SAMD5: variants seen among roughly 807,000 people sequenced by gnomAD.
SAMD5 encodes sterile alpha motif domain containing 5, also known as sterile alpha motif domain-containing protein 5.
In SAMD5, 13 loss-of-function variants were observed where a neutral mutation model predicts 11.3. That is an observed-to-expected ratio of 1.15 (90% CI 0.75 to 1.83). The LOEUF (loss-of-function observed/expected upper bound fraction) is 1.83. Among genes scored for constraint, SAMD5 ranks in the 40% most tolerant of loss-of-function variants. The probability of loss-of-function intolerance (pLI) is 0.00; values close to 1 mark genes in which losing one functional copy is unlikely to be tolerated. For synonymous variants in SAMD5, 129 were observed against 111.3 expected (o/e 1.16, Z -1.00); for missense variants, 255 against 239.1 (o/e 1.07, Z -0.44).
In SAMD5 at chr6:147,730,012, G is replaced by T. The variant is rs1466868310; in HGVS notation, c.163-7305G>T. Reference sequence around the variant, plus strand: ...AGGCAGAAGAATTGCTTGAACCCGGGAGGTGGATGTTGCAGTGAGCCAAGA... The same window carrying T: ...AGGCAGAAGAATTGCTTGAACCCGGTAGGTGGATGTTGCAGTGAGCCAAGA... On this transcript the variant is annotated intron_variant, in intron 1 of 1. Transcript: ENST00000566741. The T allele has an allele frequency of 7.3e-6, 3 of 412,928 alleles. No homozygotes were observed. In the Admixed American group the frequency reaches 8.9e-5, roughly 12 times the overall value. The allele number at this position is 412,928 out of a possible 1,614,324, so 25.6% of individuals were successfully genotyped here. A position where few individuals can be genotyped will look rare whatever the true frequency, so the allele number is the denominator to read the frequency against.
chr6:147,835,244 A>C, the SAMD5 span, among the ~76,000 whole-genome samples: 4 of 150,930 alleles, frequency 2.7e-5, no homozygotes, highest in South Asian at 4.2e-4. Flanking sequence ...AAAAAAAAAA[A>C]AACAAAAAAA....
chr6:147,740,100 G>A (rs1791859164), downstream of SAMD5, among the ~76,000 whole-genome samples: 1 of 152,106 alleles, frequency 6.6e-6, no homozygotes, highest in African/African-American at 2.4e-5. Flanking sequence ...TTGCAGGCAT[G>A]AGCCACCACA....
At chr6:147,585,287 A>T (rs980572179) in intron 1 of SAMD5, among the ~76,000 whole-genome samples, 2 of 152,158 alleles carry the variant, frequency 1.3e-5, no homozygotes, top group African/African-American at 4.8e-5. Flanking sequence ...ATAACTCCAA[A>T]TGCCACTGTA....
chr6:147,618,617 G>A (rs752168638), intron 1 of SAMD5, among the ~76,000 whole-genome samples: 7 of 152,196 alleles, frequency 4.6e-5, no homozygotes, highest in African/African-American at 1.4e-4. Context: ...GTGTTGTGAG[G>A]AGACGGAGAG....
intron 1 of SAMD5, among the ~76,000 whole-genome samples, chr6:147,664,978 T>C (rs1045231927): frequency 2.6e-5 from 4 of 152,212 alleles, no homozygotes; most frequent in African/African-American, 9.6e-5. Context: ...GCAATTTCTT[T>C]AGTGTCTCCC....
chr6:147,877,348 A>T, the SAMD5 span, among the ~76,000 whole-genome samples: 1 of 152,202 alleles, frequency 6.6e-6, no homozygotes, highest in Non-Finnish European at 1.5e-5. Flanking sequence ...TAATCCTTGT[A>T]TATTTTTCCA....
At chr6:147,907,657 C>G in the SAMD5 span, among the ~76,000 whole-genome samples, 1 of 152,152 alleles carries the variant, frequency 6.6e-6, no homozygotes, top group Admixed American at 6.5e-5. Context: ...CAGGACCCCA[C>G]AGGGGTGGGA....
chr6:147,755,076 T>A, the SAMD5 span, among the ~76,000 whole-genome samples: 5 of 152,056 alleles, frequency 3.3e-5, no homozygotes, highest in Non-Finnish European at 7.4e-5. Context: ...ATTTTAGGAT[T>A]TTTTTTTCTA....
intron 1 of SAMD5, among the ~76,000 whole-genome samples, chr6:147,705,746 A>G (rs1019706178): frequency 3.3e-5 from 5 of 152,202 alleles, no homozygotes; most frequent in African/African-American, 1.2e-4. Context: ...ACATAGAGTA[A>G]CCCAGCTGTC....
the SAMD5 span, among the ~76,000 whole-genome samples, chr6:147,890,735 G>A: frequency 5.3e-5 from 8 of 151,140 alleles, no homozygotes; most frequent in Non-Finnish European, 1.2e-4. Flanking sequence ...ACTCATGAAG[G>A]CTATGGATAT....
chr6:147,611,247 A>G (rs1395995800), intron 1 of SAMD5, among the ~76,000 whole-genome samples: 4 of 152,168 alleles, frequency 2.6e-5, no homozygotes, highest in African/African-American at 9.7e-5. Context: ...GGAAAGTGCA[A>G]GAGAGGAATT....
chr6:147,585,226 G>A (rs1031653565), intron 1 of SAMD5, among the ~76,000 whole-genome samples: 9 of 152,168 alleles, frequency 5.9e-5, no homozygotes, highest in African/African-American at 2.2e-4. Flanking sequence ...AGGGGTGGAA[G>A]CGAGTGGAGG....
the SAMD5 span, among the ~76,000 whole-genome samples, chr6:147,850,162 A>T: frequency 6.6e-6 from 1 of 152,228 alleles, no homozygotes; most frequent in Non-Finnish European, 1.5e-5. Flanking sequence ...GAGGAAACAT[A>T]TGTATACAAA....
chr6:147,691,000 T>G (rs1005042265), intron 1 of SAMD5, among the ~76,000 whole-genome samples: 1,118 of 46,184 alleles, frequency 0.024, no homozygotes, highest in Admixed American at 0.037. Flanking sequence ...GGATCGGGGG[T>G]GTGGGGGTGG....
the SAMD5 span, among the ~76,000 whole-genome samples, chr6:147,809,387 A>C: frequency 6.6e-6 from 1 of 152,150 alleles, no homozygotes. Flanking sequence ...ACAGAGTGGC[A>C]CTGTGGAGAA....
chr6:147,611,464 G>A (rs1789785120), intron 1 of SAMD5, among the ~76,000 whole-genome samples: 1 of 152,012 alleles, frequency 6.6e-6, no homozygotes, highest in Non-Finnish European at 1.5e-5. Flanking sequence ...TCAGGAGGCT[G>A]AGGCAGGAGA....
chr6:147,704,401 C>T (rs900071735), intron 1 of SAMD5, among the ~76,000 whole-genome samples: 1 of 152,152 alleles, frequency 6.6e-6, no homozygotes, highest in African/African-American at 2.4e-5. Context: ...GTTCTTCACT[C>T]ATCATCTCTC....
the SAMD5 span, among the ~76,000 whole-genome samples, chr6:147,809,000 T>A: frequency 6.6e-6 from 1 of 152,314 alleles, no homozygotes; most frequent in South Asian, 2.1e-4. Context: ...AAGTTTATGA[T>A]GTTAGGGCTT....
the SAMD5 span, among the ~76,000 whole-genome samples, chr6:147,821,819 G>A: frequency 6.6e-6 from 1 of 152,138 alleles, no homozygotes; most frequent in African/African-American, 2.4e-5. Flanking sequence ...ATACCACATT[G>A]TATTTTATAA....
Sources: gnomAD v4.1 joint callset for allele counts (sites outside exome capture counted in the v4.1 genomes callset) on GRCh38, gnomAD v4.1.1 for gene constraint, MANE v1.5 for transcripts, NCBI Gene and HGNC (gene_info 2026-07-23, HGNC 2026-07-21) for gene names.